DTNBP1: variants seen among roughly 807,000 people sequenced by gnomAD.
DTNBP1 encodes dysbindin.
DTNBP1 carries 35 observed loss-of-function variants against 42.8 expected under a neutral mutation model. That is an observed-to-expected ratio of 0.82 (90% CI 0.63 to 1.09). The LOEUF is 1.09. DTNBP1 is among the 50% of genes least tolerant of loss of function. The probability of loss-of-function intolerance (pLI) is 0.00; values close to 1 mark genes in which losing one functional copy is unlikely to be tolerated. For synonymous variants in DTNBP1, 171 were observed against 162.2 expected (o/e 1.05, Z -0.41); for missense variants, 457 against 424.2 (o/e 1.08, Z -0.68).
intron 3 of DTNBP1, among the ~76,000 whole-genome samples, chr6:15,646,334 A>G (rs950333164): frequency 6.6e-6 from 1 of 151,716 alleles, no homozygotes; most frequent in African/African-American, 2.4e-5. Context: ...AGATCTCTAC[A>G]AAGAGAACTG....
chr6:15,555,867 T>C (rs1178475742), intron 7 of DTNBP1, among the ~76,000 whole-genome samples: 1 of 152,212 alleles, frequency 6.6e-6, no homozygotes, highest in African/African-American at 2.4e-5. Flanking sequence ...CCTTCATTCT[T>C]GAACAAGATC....
At chr6:15,641,104 G>T (rs1054950439) in intron 3 of DTNBP1, among the ~76,000 whole-genome samples, 1 of 152,190 alleles carries the variant, frequency 6.6e-6, no homozygotes, top group South Asian at 2.1e-4. Flanking sequence ...AAAGGCCAGC[G>T]TCTGGTTTTG....
At chr6:15,531,471 A>G (rs780975399) in intron 8 of DTNBP1, among the ~76,000 whole-genome samples, 15 of 152,322 alleles carry the variant, frequency 9.8e-5, no homozygotes, top group Non-Finnish European at 2.1e-4. Flanking sequence ...ACTCCAGAGA[A>G]CGTTGTTAAG....
At chr6:15,534,522 T>C (rs1773093215) in intron 7 of DTNBP1, among the ~76,000 whole-genome samples, 1 of 152,002 alleles carries the variant, frequency 6.6e-6, no homozygotes, top group Non-Finnish European at 1.5e-5. Context: ...TAGCCAGGCA[T>C]GGTGGCAGTC....
At position 15,662,820 on chromosome 6, in the gene DTNBP1, G is replaced by A. The variant is rs1295035992; in HGVS notation, c.50C>T (p.Thr17Ile). The change falls in exon 1 of 10, where the codon ACC becomes ATC. Residue 17 changes from threonine to isoleucine, a missense_variant. Transcript: ENST00000344537. ...TCGCCCACCGTATACCCACCCGGAG[G>A]TGAAATCCTGCTGCACGCTCAGCAG... ...ERLLSVQQDF[T>I]SGLKTLSDKS... 6.2e-6 allele frequency: 10 copies of A among 1,611,486 alleles called. No homozygotes were observed. The Admixed American group carries it at 8.3e-5, about 13-fold the overall frequency.
Position 15,613,357 on chromosome 6 carries a change from ATT to A in DTNBP1, c.488+1908_488+1909del, listed in dbSNP as rs1184227291. 5.4e-3 allele frequency among the ~76,000 whole-genome samples: 131 copies of A among 24,298 alleles called. 25 individuals are homozygous for A. The highest frequency in any genetic ancestry group is 0.045 in the Middle Eastern group (1 of 22). The allele number at this position is 24,298 out of a possible 152,430, so 15.9% of individuals were successfully genotyped here. On this transcript the variant is annotated intron_variant, in intron 6 of 9. Coordinates refer to ENST00000344537, the MANE Select transcript of DTNBP1 (RefSeq NM_032122.5). ...ATGCCCCTTTTTTGACACGGACCCC[ATT>A]TTTTTTTTTTTTTTTTTTTTTTTTT...
intron 6 of DTNBP1, among the ~76,000 whole-genome samples, chr6:15,594,974 G>A (rs1054769087): frequency 1.3e-5 from 2 of 152,104 alleles, no homozygotes; most frequent in Non-Finnish European, 2.9e-5. Flanking sequence ...ATACATTAAT[G>A]AGTGAGTGTG....
chr6:15,526,302 C>T (rs1772384580), intron 8 of DTNBP1, among the ~76,000 whole-genome samples: 1 of 152,112 alleles, frequency 6.6e-6, no homozygotes, highest in East Asian at 1.9e-4. Context: ...TGGAATGGAA[C>T]AGTCATAACG....
chr6:15,582,106 C>T (rs1775865969), intron 7 of DTNBP1, among the ~76,000 whole-genome samples: 1 of 152,116 alleles, frequency 6.6e-6, no homozygotes, highest in Admixed American at 6.6e-5. Flanking sequence ...TCTCAATATG[C>T]TACTTAGCTA....
chr6:15,523,935 T>C (rs1259875967), intron 9 of DTNBP1: 1 of 1,287,272 alleles, frequency 7.8e-7, no homozygotes, highest in African/African-American at 1.5e-5. Flanking sequence ...AGCTTTGCCT[T>C]GACCCAGCCC....
chr6:15,578,432 G>A (rs1581350363), intron 7 of DTNBP1, among the ~76,000 whole-genome samples: 1 of 152,226 alleles, frequency 6.6e-6, no homozygotes, highest in East Asian at 1.9e-4. Flanking sequence ...GAGAACTCAG[G>A]AAAGGATGTT....
intron 5 of DTNBP1, among the ~76,000 whole-genome samples, chr6:15,622,227 A>G (rs1218665751): frequency 6.6e-6 from 1 of 152,206 alleles, no homozygotes; most frequent in African/African-American, 2.4e-5. Flanking sequence ...AACTTAGAAA[A>G]CATTAAACAA....
intron 8 of DTNBP1, among the ~76,000 whole-genome samples, chr6:15,530,819 A>G (rs978424472): frequency 1.3e-5 from 2 of 152,040 alleles, no homozygotes; most frequent in Non-Finnish European, 2.9e-5. Context: ...ACTGTCCATC[A>G]TCACTGCATC....
At chr6:15,610,685 A>G (rs754552737) in intron 6 of DTNBP1, among the ~76,000 whole-genome samples, 13 of 152,234 alleles carry the variant, frequency 8.5e-5, no homozygotes, top group Admixed American at 2.0e-4. Flanking sequence ...AACCCACCGT[A>G]TTGCTTATAT....
chr6:15,523,105 T>C lies in DTNBP1; in HGVS notation c.926A>G (p.Asp309Gly). The C allele has an allele frequency of 6.2e-7, 1 of 1,614,182 alleles. No individual in the cohort carries two copies. Among genetic ancestry groups the C allele is most frequent in the Non-Finnish European group, 8.5e-7 (1 of 1,180,034 alleles). Reference protein sequence around the residue: ...SSTCTDSATRDISEGGESPVV... With the variant: ...SSTCTDSATRGISEGGESPVV... ...GGGGGACTCCCCACCCTCACTGATG[T>C]CCCGGGTGGCCGAGTCGGTGCAGGT... The change falls in exon 10 of 10, where the codon GAC becomes GGC. Residue 309 changes from aspartate (D) to glycine (G), a missense_variant. By Grantham distance (94) the Asp-to-Gly change is moderately conservative. Coordinates refer to ENST00000344537, the MANE Select transcript of DTNBP1 (RefSeq NM_032122.5).
intron 3 of DTNBP1, among the ~76,000 whole-genome samples, chr6:15,641,950 A>C (rs1012738598): frequency 3.3e-5 from 5 of 152,206 alleles, no homozygotes; most frequent in African/African-American, 1.2e-4. Flanking sequence ...GATGTGGGGA[A>C]GGGGTCATCT....
At position 15,662,999 on chromosome 6, in the gene DTNBP1, G is replaced by T; in HGVS notation, c.-130C>A. On this transcript the variant is annotated 5_prime_UTR_variant, in exon 1 of 10. Coordinates refer to ENST00000344537, the MANE Select transcript of DTNBP1 (RefSeq NM_032122.5). Reference sequence around the variant, plus strand: ...ACTCCCACTACCGGCCCCGCCCCCGGTCTGGTCCTCGCCGCCGCGCCGCAA... The same window carrying T: ...ACTCCCACTACCGGCCCCGCCCCCGTTCTGGTCCTCGCCGCCGCGCCGCAA... 7.4e-7 allele frequency: 1 copy of T among 1,345,170 alleles called. No individual in the cohort carries two copies. The highest frequency in any genetic ancestry group is 1.0e-6 in the Non-Finnish European group (1 of 973,628). 83.3% of individuals were successfully genotyped at this position (1,345,170 alleles called of 1,614,324 possible). A position where few individuals can be genotyped will look rare whatever the true frequency, so the allele number is the denominator to read the frequency against.
intron 5 of DTNBP1, among the ~76,000 whole-genome samples, chr6:15,621,280 T>C (rs2113720473): frequency 6.6e-6 from 1 of 152,384 alleles, no homozygotes; most frequent in African/African-American, 2.4e-5. Flanking sequence ...TTTTTACCTC[T>C]TTAATCTTTA....
At chr6:15,532,679 A>G (rs544663429) in intron 8 of DTNBP1, among the ~76,000 whole-genome samples, 1 of 147,166 alleles carries the variant, frequency 6.8e-6, no homozygotes, top group African/African-American at 2.5e-5. Flanking sequence ...CTCTAGAAGC[A>G]TAATTTGTGT....
Sources: gnomAD v4.1 joint callset for allele counts (sites outside exome capture counted in the v4.1 genomes callset) on GRCh38, gnomAD v4.1.1 for gene constraint, MANE v1.5 for transcripts, NCBI Gene and HGNC (gene_info 2026-07-23, HGNC 2026-07-21) for gene names.